Variants in ARHGAP8 observed in about 807,000 individuals in gnomAD.
The protein encoded by ARHGAP8 is Rho GTPase activating protein 8, also known as rho GTPase-activating protein 8.
A neutral mutation model predicts 46.1 loss-of-function variants in ARHGAP8; 62 were observed. That is an observed-to-expected ratio of 1.34 (90% CI 1.10 to 1.66). The LOEUF is 1.66. Ranked by LOEUF, ARHGAP8 falls within the 40% of genes most tolerant of loss-of-function variation. ARHGAP8 has a pLI of 0.00. For synonymous variants in ARHGAP8, 375 were observed against 243.1 expected (o/e 1.54, Z -5.05); for missense variants, 923 against 568.4 (o/e 1.62, Z -6.34).
intron 10 of ARHGAP8, among the ~76,000 whole-genome samples, chr22:44,852,650 G>A (rs1189484291): frequency 6.6e-6 from 1 of 152,226 alleles, no homozygotes; most frequent in Non-Finnish European, 1.5e-5. Context: ...CAGGGAAAGA[G>A]TTGTGTCTCA....
At chr22:44,776,807 G>A (rs565668712) in intron 1 of ARHGAP8, among the ~76,000 whole-genome samples, 11 of 152,182 alleles carry the variant, frequency 7.2e-5, no homozygotes, top group African/African-American at 2.6e-4. Flanking sequence ...CGGGGGTAGG[G>A]GTGCATGGGA....
At chr22:44,804,466 G>A (rs928104811) in intron 3 of ARHGAP8, among the ~76,000 whole-genome samples, 1 of 152,148 alleles carries the variant, frequency 6.6e-6, no homozygotes, top group Non-Finnish European at 1.5e-5. Flanking sequence ...TTTGCTCCCC[G>A]ACAATGAACT....
chr22:44,851,198 C>A (rs1432217229), intron 10 of ARHGAP8, among the ~76,000 whole-genome samples: 1 of 152,100 alleles, frequency 6.6e-6, no homozygotes, highest in Non-Finnish European at 1.5e-5. Flanking sequence ...CGGATAGGCA[C>A]CAATTAACAA....
At chr22:44,825,154 G>C (rs1201538975) in intron 6 of ARHGAP8, among the ~76,000 whole-genome samples, 1 of 151,956 alleles carries the variant, frequency 6.6e-6, no homozygotes, top group Admixed American at 6.6e-5. Context: ...CTTAAATTCA[G>C]ACACTTGCGA....
At chr22:44,779,069 G>T (rs1265135435) in intron 1 of ARHGAP8, among the ~76,000 whole-genome samples, 1 of 150,130 alleles carries the variant, frequency 6.7e-6, no homozygotes, top group Non-Finnish European at 1.5e-5. Flanking sequence ...AAGTGGAATT[G>T]CACAGTGACT....
chr22:44,857,533 T>C (rs2070263120), intron 10 of ARHGAP8, among the ~76,000 whole-genome samples: 1 of 152,194 alleles, frequency 6.6e-6, no homozygotes, highest in Non-Finnish European at 1.5e-5. Context: ...TCCAGTCCAC[T>C]GAGTGTGCTG....
intron 4 of ARHGAP8, among the ~76,000 whole-genome samples, chr22:44,813,432 ACC>A (rs1929493665): frequency 7.4e-6 from 1 of 134,684 alleles, no homozygotes; most frequent in South Asian, 2.6e-4. Context: ...ATACACTTAC[ACC>A]TACATACACA....
At chr22:44,808,742 TC>T (rs1929121264) in intron 4 of ARHGAP8, 1 of 518,398 alleles carries the variant, frequency 1.9e-6, no homozygotes, top group Non-Finnish European at 3.7e-6. Flanking sequence ...GGTGGGTGGA[TC>T]ACCTGAGGTC....
At chr22:44,812,598 G>A (rs982060458) in intron 4 of ARHGAP8, among the ~76,000 whole-genome samples, 1 of 151,732 alleles carries the variant, frequency 6.6e-6, no homozygotes, top group African/African-American at 2.4e-5. Context: ...CTCGTGATCC[G>A]CCCGCCTCAG....
chr22:44,798,282 A>AT (rs938296406), intron 2 of ARHGAP8, among the ~76,000 whole-genome samples: 1 of 151,684 alleles, frequency 6.6e-6, no homozygotes, highest in Non-Finnish European at 1.5e-5. Context: ...GGCCAAAAAA[A>AT]TTTTTTTAGA....
chr22:44,837,906 T>C (rs554291036), intron 7 of ARHGAP8, among the ~76,000 whole-genome samples: 2 of 152,308 alleles, frequency 1.3e-5, no homozygotes, highest in Admixed American at 1.3e-4. Flanking sequence ...ACCTCAGTTT[T>C]CTCATCTGCC....
chr22:44,803,446 A>T lies in ARHGAP8; in HGVS notation c.167+1282A>T, dbSNP rs369892251. ...GGGCCCAGGGGCCCTCATAGCCACC[A>T]AAGCTGTGTGTGGCCTCTCCCTGTA... is the stretch of plus-strand genomic sequence containing the variant. On this transcript the variant is annotated intron_variant, in intron 3 of 11. Coordinates refer to ENST00000356099, the MANE Select transcript of ARHGAP8 (RefSeq NM_181335.3). 6.2e-4 allele frequency among the ~76,000 whole-genome samples: 94 copies of T among 152,210 alleles called. 1 individual carries two copies. In the South Asian group the frequency reaches 0.019, roughly 31 times the overall value.
chr22:44,830,569 C>A lies in ARHGAP8; in HGVS notation c.596+4976C>A, dbSNP rs185077087. Reference sequence around the variant, plus strand: ...TTTTGTTTTCTGAGACAAAGTCTTGCTCTGTCACCCAGGCTGGAGTGCAAT... The same window carrying A: ...TTTTGTTTTCTGAGACAAAGTCTTGATCTGTCACCCAGGCTGGAGTGCAAT... On this transcript the variant is annotated intron_variant, in intron 7 of 11. Transcript: ENST00000356099. Among the ~76,000 whole-genome samples the A allele has an allele frequency of 1.5e-4, 23 of 151,956 alleles. No individual in the cohort carries two copies. In the East Asian group the frequency reaches 4.5e-3, roughly 29 times the overall value.
intron 5 of ARHGAP8, among the ~76,000 whole-genome samples, chr22:44,820,513 C>T (rs148413375): frequency 0.016 from 2,476 of 152,280 alleles, 31 homozygotes; most frequent in Middle Eastern, 0.031. Flanking sequence ...AGACTGTCCC[C>T]GAGTCCTGTG....
At chr22:44,772,165 A>AT (rs1462854650) in intron 1 of ARHGAP8, among the ~76,000 whole-genome samples, 8 of 79,858 alleles carry the variant, frequency 1.0e-4, no homozygotes, top group East Asian at 3.6e-4. Flanking sequence ...TTTTTTCCTC[A>AT]TTTTTTTCCT....
rs370528341 is a variant in ARHGAP8, at chr22:44,822,404, C to A, written c.420C>A (p.Asn140Lys). Residue 140 changes from asparagine (N) to lysine (K), a missense_variant, in exon 6 of 12, where the codon AAC (asparagine) becomes AAA (lysine). Physicochemically the swap from Asn to Lys is moderately conservative, Grantham distance 94. Coordinates refer to ENST00000356099, the MANE Select transcript of ARHGAP8 (RefSeq NM_181335.3). ...HKFGKKVIYF[N>K]YLSELHEHLK... Reference sequence around the variant, plus strand: ...TTGGGAAGAAAGTCATCTATTTCAACTACCTGAGTGAGCTCCACGAACACC... The same window carrying A: ...TTGGGAAGAAAGTCATCTATTTCAAATACCTGAGTGAGCTCCACGAACACC... 1 of 1,583,710 alleles carries A rather than the reference C, an allele frequency of 6.3e-7. No individual in the cohort carries two copies.
chr22:44,790,885 G>A (rs1376733471), intron 2 of ARHGAP8, among the ~76,000 whole-genome samples: 3 of 151,490 alleles, frequency 2.0e-5, no homozygotes, highest in Non-Finnish European at 4.4e-5. Context: ...GGCACGTGCC[G>A]CCATGCCCAA....
intron 1 of ARHGAP8, among the ~76,000 whole-genome samples, chr22:44,767,843 A>G (rs996066154): frequency 1.1e-4 from 17 of 148,590 alleles, no homozygotes; most frequent in African/African-American, 3.2e-4. Flanking sequence ...ACTGCACTCC[A>G]GCCTGGGCGA....
chr22:44,843,077 C>A (rs1602254035), intron 7 of ARHGAP8, among the ~76,000 whole-genome samples: 1 of 152,162 alleles, frequency 6.6e-6, no homozygotes, highest in Non-Finnish European at 1.5e-5. Context: ...GGAATGTAAA[C>A]CCCTCACGAG....
Sources: gnomAD v4.1 joint callset for allele counts (sites outside exome capture counted in the v4.1 genomes callset) on GRCh38, gnomAD v4.1.1 for gene constraint, MANE v1.5 for transcripts, NCBI Gene and HGNC (gene_info 2026-07-23, HGNC 2026-07-21) for gene names.